The following RABGAP1L variants were observed in gnomAD, a reference collection of about 807,000 sequenced individuals.
RABGAP1L encodes RAB GTPase activating protein 1 like, also known as rab GTPase-activating protein 1-like.
RABGAP1L carries 63 observed loss-of-function variants against 137.7 expected under a neutral mutation model. The observed-to-expected ratio is 0.46, with a 90% CI of 0.37 to 0.56. The LOEUF (loss-of-function observed/expected upper bound fraction) is 0.56, where lower values mean the gene tolerates loss of function less well. Among genes scored for constraint, RABGAP1L ranks in the 20% least tolerant of loss-of-function variants. RABGAP1L has a pLI of 0.00. For missense variants in RABGAP1L, 1,095 were observed against 1,244.0 expected, an observed-to-expected ratio of 0.88 and a Z score of 1.80; for synonymous variants, 431 against 433.7, an observed-to-expected ratio of 0.99 and a Z score of 0.08.
intron 20 of RABGAP1L, among the ~76,000 whole-genome samples, chr1:174,962,350 A>C (rs1574021291): frequency 6.6e-6 from 1 of 152,152 alleles, no homozygotes; most frequent in African/African-American, 2.4e-5. Context: ...TTATAAATAC[A>C]TAATTTCTAA....
At chr1:174,464,763 CT>C (rs59473018) in intron 13 of RABGAP1L, among the ~76,000 whole-genome samples, 14 of 148,164 alleles carry the variant, frequency 9.4e-5, no homozygotes, top group Admixed American at 2.0e-4. Flanking sequence ...AACCAGATCA[CT>C]TTTTTTTTTG....
intron 13 of RABGAP1L, among the ~76,000 whole-genome samples, chr1:174,533,495 C>G (rs1664617735): frequency 6.6e-6 from 1 of 152,066 alleles, no homozygotes; most frequent in Admixed American, 6.6e-5. Context: ...TCCTCCTCAG[C>G]CTACTCAGTG....
intron 15 of RABGAP1L, among the ~76,000 whole-genome samples, chr1:174,688,590 C>T (rs1678648861): frequency 6.6e-6 from 1 of 152,044 alleles, no homozygotes; most frequent in South Asian, 2.1e-4. Flanking sequence ...ACTTGTACAT[C>T]AAAATACATG....
At chr1:174,838,541 T>C (rs1692992319) in intron 19 of RABGAP1L, among the ~76,000 whole-genome samples, 2 of 152,286 alleles carry the variant, frequency 1.3e-5, no homozygotes, top group African/African-American at 4.8e-5. Context: ...AGTGGACTGA[T>C]CAGATGTTCT....
intron 19 of RABGAP1L, among the ~76,000 whole-genome samples, chr1:174,930,172 C>A (rs1029875265): frequency 2.6e-5 from 4 of 151,844 alleles, no homozygotes; most frequent in Non-Finnish European, 5.9e-5. Flanking sequence ...TCTTTAACTC[C>A]TTTAAAAATT....
intron 19 of RABGAP1L, among the ~76,000 whole-genome samples, chr1:174,906,687 C>T (rs1408808836): frequency 9.2e-5 from 14 of 151,670 alleles, no homozygotes. Context: ...TACAAGAAAG[C>T]CTGAGATCAC....
At chr1:174,478,449 A>AT (rs981421768) in intron 13 of RABGAP1L, among the ~76,000 whole-genome samples, 2 of 150,676 alleles carry the variant, frequency 1.3e-5, no homozygotes, top group Non-Finnish European at 3.0e-5. Flanking sequence ...TAAAAAAAAA[A>AT]TTTTTTTTTA....
intron 17 of RABGAP1L, among the ~76,000 whole-genome samples, chr1:174,733,840 G>A (rs749070961): frequency 2.6e-5 from 4 of 152,136 alleles, no homozygotes; most frequent in Non-Finnish European, 5.9e-5. Context: ...TAGGCTGTGG[G>A]GGGTCAAGAG....
chr1:174,452,764 C>T (rs1210021979), intron 13 of RABGAP1L, among the ~76,000 whole-genome samples: 2 of 151,866 alleles, frequency 1.3e-5, no homozygotes, highest in South Asian at 4.2e-4. Flanking sequence ...GGTTTCGCGG[C>T]GTTAGTCAGG....
intron 13 of RABGAP1L, among the ~76,000 whole-genome samples, chr1:174,552,811 A>G (rs1412939244): frequency 2.0e-5 from 3 of 152,170 alleles, no homozygotes; most frequent in African/African-American, 7.2e-5. Context: ...ACTATCTTCT[A>G]CAATGGTGGA....
At chr1:174,638,600 G>A (rs951614562) in intron 14 of RABGAP1L, among the ~76,000 whole-genome samples, 6 of 148,060 alleles carry the variant, frequency 4.1e-5, no homozygotes, top group African/African-American at 1.5e-4. Flanking sequence ...TGTTTATTGC[G>A]GCATTATTCA....
intron 13 of RABGAP1L, among the ~76,000 whole-genome samples, chr1:174,633,803 A>T (rs1207064549): frequency 0.047 from 6,445 of 136,776 alleles, 563 homozygotes; most frequent in African/African-American, 0.18. Flanking sequence ...CTATTTAATA[A>T]ATGGTGCTGG....
chr1:174,241,511 A>T lies in RABGAP1L; in HGVS notation c.571A>T (p.Ile191Leu). 1 of 1,604,700 alleles carries T rather than the reference A, an allele frequency of 6.2e-7. No individual in the cohort carries two copies. Among genetic ancestry groups the T allele is most frequent in the Non-Finnish European group, 8.5e-7 (1 of 1,175,686 alleles). Residue 191 changes from isoleucine (I) to leucine (L), a missense_variant, in exon 5 of 26, where the codon ATA (isoleucine) becomes TTA (leucine). By Grantham distance (5) the Ile-to-Leu change is conservative. Around this residue, in one of 4 missense-constraint regions of RABGAP1L, gnomAD observed 356 missense variants for 326.3 expected, o/e 1.09. Coordinates refer to ENST00000681986, the MANE Select transcript of RABGAP1L (RefSeq NM_001366446.1). ...RIIDQSSNVEIASFPIYKVLF... is the reference protein window; with the variant it reads ...RIIDQSSNVELASFPIYKVLF... ...TATAGACCAATCCAGCAATGTGGAGATAGCATCTTTTCCAATCTATAAGGT... is the reference window on the plus strand; with the variant it reads ...TATAGACCAATCCAGCAATGTGGAGTTAGCATCTTTTCCAATCTATAAGGT...
chr1:174,394,178 TG>T, intron 13 of RABGAP1L, 33 bp downstream of exon 13: 6 of 1,598,618 alleles, frequency 3.8e-6, no homozygotes, highest in Non-Finnish European at 5.1e-6. Flanking sequence ...TTATTTTCAT[TG>T]GATGACCTAT....
chr1:174,718,356 T>C lies in RABGAP1L; in HGVS notation c.2169+16100T>C, dbSNP rs78011186. On this transcript the variant is annotated intron_variant, in intron 17 of 25. Coordinates refer to ENST00000681986, the MANE Select transcript of RABGAP1L (RefSeq NM_001366446.1). ...ATTCTCCTCTGCCAGAATGCTCATC[T>C]GTTGGCATAACTTTGTTCCTAAGAA... Among the ~76,000 whole-genome samples, 624 of 152,332 alleles carry C rather than the reference T, an allele frequency of 4.1e-3. 8 individuals are homozygous for C. Among genetic ancestry groups the C allele is most frequent in the African/African-American group, 0.015 (603 of 41,576 alleles).
At position 174,733,654 on chromosome 1, in the gene RABGAP1L, G is replaced by A. The variant is rs1297791777; in HGVS notation, c.2170-18659G>A. Among the ~76,000 whole-genome samples the A allele has an allele frequency of 2.6e-5, 4 of 152,130 alleles. No individual in the cohort carries two copies. In the East Asian group the frequency reaches 7.7e-4, roughly 29 times the overall value. On this transcript the variant is annotated intron_variant, in intron 17 of 25. Transcript: ENST00000681986. ...TTTATTTAGCATTACTATGTGCCAA[G>A]CACTATTCTGGACACTGAGGAAATC...
chr1:174,901,023 C>T (rs888689995), intron 19 of RABGAP1L, among the ~76,000 whole-genome samples: 2 of 151,892 alleles, frequency 1.3e-5, no homozygotes, highest in African/African-American at 4.8e-5. Context: ...TCTTGTTTGC[C>T]TGTCTTATTT....
At chr1:174,319,667 G>T (rs1464711137) in intron 11 of RABGAP1L, among the ~76,000 whole-genome samples, 1 of 152,130 alleles carries the variant, frequency 6.6e-6, no homozygotes, top group Admixed American at 6.5e-5. Flanking sequence ...TTAACATGAA[G>T]ATGTTAGTTG....
At chr1:174,895,374 A>ATAAT (rs1296391722) in intron 19 of RABGAP1L, among the ~76,000 whole-genome samples, 1 of 151,896 alleles carries the variant, frequency 6.6e-6, no homozygotes, top group African/African-American at 2.4e-5. Context: ...GACAAAAGTA[A>ATAAT]TAATTCCACC....
Sources: gnomAD v4.1 joint callset for allele counts (sites outside exome capture counted in the v4.1 genomes callset) on GRCh38, gnomAD v4.1.1 for gene constraint, gnomAD v4.1.1 regional missense constraint, MANE v1.5 for transcripts, NCBI Gene and HGNC (gene_info 2026-07-23, HGNC 2026-07-21) for gene names.